Variants in SPTBN4 observed in about 807,000 individuals in gnomAD.
The protein encoded by SPTBN4 is spectrin beta, non-erythrocytic 4, also known as spectrin beta chain, non-erythrocytic 4.
A neutral mutation model predicts 277.8 loss-of-function variants in SPTBN4; 96 were observed. The ratio of observed to expected loss-of-function variants is 0.35; its 90% confidence interval spans 0.29 to 0.41. The LOEUF (loss-of-function observed/expected upper bound fraction) is 0.41. Ranked by LOEUF, SPTBN4 falls within the 10% of genes least tolerant of loss-of-function variation. The probability of loss-of-function intolerance (pLI) is 1.00; values close to 1 mark genes in which losing one functional copy is unlikely to be tolerated. For synonymous variants in SPTBN4, 1,481 were observed against 1,580.3 expected (o/e 0.94, Z 1.49); for missense variants, 3,006 against 3,595.7 (o/e 0.84, Z 4.19).
In SPTBN4 at chr19:40,560,161, A is replaced by T. The variant is rs1568376170; in HGVS notation, c.5673A>T (p.Val1891=). 6.3e-7 allele frequency: 1 copy of T among 1,593,962 alleles called. No individual in the cohort carries two copies. Among genetic ancestry groups the T allele is most frequent in the East Asian group, 2.2e-5 (1 of 44,760 alleles). ...EHDLQLLVSQ[V]RQLQEGAAQL... ...GCCCGACCTGGCATGCCCTTCAGGTACGGCAGCTGCAGGAGGGGGCGGCCC... is the reference window on the plus strand; with the variant it reads ...GCCCGACCTGGCATGCCCTTCAGGTTCGGCAGCTGCAGGAGGGGGCGGCCC... The change falls in exon 27 of 36, where the codon GTA becomes GTT. Residue 1891 remains valine, a splice_region_variant and synonymous_variant. Transcript: ENST00000598249. This position sits in a 1 kb window ranked among gnomAD's most constrained non-coding sequence, Gnocchi z 5.2.
chr19:40,566,407 C>T, intron 30 of SPTBN4, 48 bp downstream of exon 30: 3 of 1,446,414 alleles, frequency 2.1e-6, no homozygotes, highest in Non-Finnish European at 2.7e-6. Flanking sequence ...CACCAAGACC[C>T]CCACACCCAT....
Position 40,566,353 on chromosome 19 carries a change from G to A in SPTBN4, c.6330G>A (p.Leu2110=), listed in dbSNP as rs1389985937. 4 of 1,551,086 alleles carry A rather than the reference G, an allele frequency of 2.6e-6. No homozygotes were observed. The highest frequency in any genetic ancestry group is 3.5e-6 in the Non-Finnish European group (4 of 1,147,684). ...AGAGGTTCAGCTCTCTGCGGCGCCT[G>A]ACCACGGTCAGCTCCCCAGATACTG... ...WEERFSSLRR[L]TTIEKIKAEQ... Residue 2110 remains leucine (L), a synonymous_variant, in exon 30 of 36, where the codon CTG becomes CTA. Transcript: ENST00000598249.
At position 40,471,603 on chromosome 19, in the gene SPTBN4, C is replaced by T. The variant is rs183613430; in HGVS notation, c.-15-1004C>T. Among the ~76,000 whole-genome samples, 6 of 152,234 alleles carry T rather than the reference C, an allele frequency of 3.9e-5. No homozygotes were observed. In the East Asian group the frequency reaches 7.7e-4, roughly 20 times the overall value. On this transcript the variant is annotated intron_variant, in intron 1 of 35. Transcript: ENST00000598249. ...TTATTATTATTTAGAAATAGGGTAT[C>T]GCCATATTGCCCAGTTTGGAGTGCA... is the stretch of plus-strand genomic sequence containing the variant.
chr19:40,555,021 A>G, intron 24 of SPTBN4: 1 of 214,578 alleles, frequency 4.7e-6, no homozygotes, highest in Non-Finnish European at 9.4e-6. Context: ...GGGGCTGGAG[A>G]CCTCCTGGTG....
At chr19:40,496,933 C>T (rs1007366172) in intron 6 of SPTBN4, among the ~76,000 whole-genome samples, 2 of 151,904 alleles carry the variant, frequency 1.3e-5, no homozygotes, top group Non-Finnish European at 2.9e-5. Context: ...ATTAGCAGGG[C>T]CTGGTGGTGC....
chr19:40,495,416 G>T (rs2080185249), intron 6 of SPTBN4, among the ~76,000 whole-genome samples: 1 of 152,174 alleles, frequency 6.6e-6, no homozygotes, highest in Non-Finnish European at 1.5e-5. Flanking sequence ...GCCAAGGTGG[G>T]AGGATCACCT....
At chr19:40,549,902 T>C (rs1298098576) in intron 21 of SPTBN4, among the ~76,000 whole-genome samples, 2 of 152,114 alleles carry the variant, frequency 1.3e-5, no homozygotes, top group African/African-American at 2.4e-5. Context: ...AGGAATATGA[T>C]AGGAAACAAG....
chr19:40,494,702 G>A (rs551244313), intron 5 of SPTBN4, among the ~76,000 whole-genome samples, 195 bp from the exon 6 acceptor site: 3 of 151,582 alleles, frequency 2.0e-5, no homozygotes, highest in African/African-American at 4.8e-5. Flanking sequence ...TCTATCACCT[G>A]TCTATCATCT....
Position 40,567,715 on chromosome 19 carries a change from G to A in SPTBN4, c.6389G>A (p.Gly2130Glu), listed in dbSNP as rs1346809834. ...QSKQPPTPLLGRKFFGDPTEL... is the reference protein window; with the variant it reads ...QSKQPPTPLLERKFFGDPTEL... Reference sequence around the variant, plus strand: ...AAGCAGCCGCCTACCCCACTGCTGGGGCGCAAGTTCTTTGGGGACCCCACG... The same window carrying A: ...AAGCAGCCGCCTACCCCACTGCTGGAGCGCAAGTTCTTTGGGGACCCCACG... The change falls in exon 31 of 36, where the codon GGG (glycine) becomes GAG (glutamate). Residue 2130 changes from glycine (G) to glutamate (E), a missense_variant. Physicochemically the swap from Gly to Glu is moderately conservative, Grantham distance 98 (BLOSUM62 -2). Around this residue, in one of 5 missense-constraint regions of SPTBN4, gnomAD observed 630 missense variants for 677.6 expected, o/e 0.93. Transcript: ENST00000598249. 6.4e-7 allele frequency: 1 copy of A among 1,557,612 alleles called. No homozygotes were observed. Among genetic ancestry groups the A allele is most frequent in the South Asian group, 1.2e-5 (1 of 84,936 alleles).
intron 30 of SPTBN4, chr19:40,566,996 A>C (rs958239474): frequency 2.4e-5 from 7 of 294,970 alleles, no homozygotes; most frequent in African/African-American, 1.4e-4. Flanking sequence ...ACAAAAAAAA[A>C]CCGCTTAAAG....
chr19:40,543,702 G>A (rs1451765141), intron 20 of SPTBN4, among the ~76,000 whole-genome samples: 9 of 151,694 alleles, frequency 5.9e-5, no homozygotes, highest in Non-Finnish European at 1.3e-4. Context: ...TATTCTTTTG[G>A]GAAAAAATTT....
intron 7 of SPTBN4, among the ~76,000 whole-genome samples, chr19:40,500,520 A>G (rs1003823108): frequency 1.3e-5 from 2 of 152,172 alleles, no homozygotes; most frequent in African/African-American, 4.8e-5. Context: ...GATAAAGAAG[A>G]TAGGCATACG....
intron 13 of SPTBN4, among the ~76,000 whole-genome samples, chr19:40,508,603 G>A (rs1483850587): frequency 2.6e-5 from 4 of 152,152 alleles, no homozygotes; most frequent in South Asian, 2.1e-4. Flanking sequence ...CAGGAGAATC[G>A]CTTGAATCTG....
chr19:40,495,171 A>C (rs1022346251), intron 6 of SPTBN4, among the ~76,000 whole-genome samples, 194 bp downstream of exon 6: 1 of 152,102 alleles, frequency 6.6e-6, no homozygotes, highest in Non-Finnish European at 1.5e-5. Context: ...ACACACACCC[A>C]CACAGGCTCC....
At chr19:40,497,130 G>T (rs2080207903) in intron 6 of SPTBN4, among the ~76,000 whole-genome samples, 1 of 151,178 alleles carries the variant, frequency 6.6e-6, no homozygotes, top group Non-Finnish European at 1.5e-5. Context: ...ACACATAAGG[G>T]CTGTACACAC....
chr19:40,495,532 C>G (rs569296817), intron 6 of SPTBN4, among the ~76,000 whole-genome samples: 1 of 152,018 alleles, frequency 6.6e-6, no homozygotes, highest in Non-Finnish European at 1.5e-5. Context: ...CCTGTAGTCC[C>G]AGCTACTGGG....
chr19:40,549,437 G>T (rs1457327661), intron 21 of SPTBN4, 24 bp downstream of exon 21: 2 of 1,214,798 alleles, frequency 1.6e-6, no homozygotes, highest in Admixed American at 6.3e-5. Context: ...AGGGGCCTGG[G>T]GCGGGGCGGG....
In SPTBN4 at chr19:40,550,265, G is replaced by A; in HGVS notation, c.4612G>A (p.Ala1538Thr). 1 of 1,613,418 alleles carries A rather than the reference G, an allele frequency of 6.2e-7. No individual in the cohort carries two copies. The highest frequency in any genetic ancestry group is 1.1e-5 in the South Asian group (1 of 91,080). ...ATGGGTTCAGGAGCGGCTGCCACTG[G>A]CCATGCAGACAGAGCGAGGCAACGG... ...LAWVQERLPLAMQTERGNGLQ... is the reference protein window; with the variant it reads ...LAWVQERLPLTMQTERGNGLQ... The change falls in exon 22 of 36, where the codon GCC becomes ACC. Residue 1538 changes from alanine (A) to threonine (T), a missense_variant. Around this residue, in one of 5 missense-constraint regions of SPTBN4, gnomAD observed 1,759 missense variants for 2,061.5 expected, o/e 0.85. Coordinates refer to ENST00000598249, the MANE Select transcript of SPTBN4 (RefSeq NM_020971.3).
rs2080750336 is a variant in SPTBN4, at chr19:40,537,358, C to G, written c.4359+3015C>G. ...ATAGAAGAGAGCTAGCTTCTCCCAT[C>G]CGTGTCTGTATTCAATCCATTTCAC... On this transcript the variant is annotated intron_variant, in intron 20 of 35. Transcript: ENST00000598249. Among the ~76,000 whole-genome samples, 4 of 152,330 alleles carry G rather than the reference C, an allele frequency of 2.6e-5. No homozygotes were observed. In the South Asian group the frequency reaches 8.3e-4, roughly 32 times the overall value.
Sources: allele counts gnomAD v4.1 joint callset (sites outside exome capture counted in the v4.1 genomes callset), GRCh38; gene constraint gnomAD v4.1.1; regional missense constraint gnomAD v4.1.1; non-coding constraint Gnocchi (gnomAD v3.1); transcripts MANE v1.5; gene names NCBI Gene and HGNC (gene_info 2026-07-23, HGNC 2026-07-21).